NBEA: variants seen among roughly 807,000 people sequenced by gnomAD.
NBEA encodes lysosomal-trafficking regulator 2.
In NBEA, 44 loss-of-function variants were observed where a neutral mutation model predicts 343.4. The ratio of observed to expected loss-of-function variants is 0.13; its 90% confidence interval spans 0.10 to 0.16. The LOEUF (loss-of-function observed/expected upper bound fraction) is 0.16, where lower values mean the gene tolerates loss of function less well. Among genes scored for constraint, NBEA ranks in the 10% least tolerant of loss-of-function variants. The probability of loss-of-function intolerance (pLI) is 1.00; values close to 1 mark genes in which losing one functional copy is unlikely to be tolerated. For synonymous variants in NBEA, 1,175 were observed against 1,238.7 expected, an observed-to-expected ratio of 0.95 and a Z score of 1.08; for missense variants, 2,555 against 3,631.3, an observed-to-expected ratio of 0.70 and a Z score of 7.62.
At chr13:35,169,581 G>C (rs1439442901) in intron 25 of NBEA, among the ~76,000 whole-genome samples, 1 of 151,498 alleles carries the variant, frequency 6.6e-6, no homozygotes. Context: ...ATTAAATAAT[G>C]AATATAGAGA....
chr13:35,133,929 A>T (rs1348864933), intron 17 of NBEA, among the ~76,000 whole-genome samples: 1 of 148,088 alleles, frequency 6.8e-6, no homozygotes, highest in Non-Finnish European at 1.5e-5. Context: ...TATTATGTTT[A>T]AAAAAAAAAC....
At chr13:35,571,031 C>T (rs1427196583) in intron 45 of NBEA, among the ~76,000 whole-genome samples, 3 of 152,108 alleles carry the variant, frequency 2.0e-5, no homozygotes, top group African/African-American at 7.2e-5. Context: ...TGACCAAGAA[C>T]ATTCTAAAAG....
intron 38 of NBEA, among the ~76,000 whole-genome samples, chr13:35,355,805 T>C (rs1275865385): frequency 6.6e-6 from 1 of 152,014 alleles, no homozygotes; most frequent in African/African-American, 2.4e-5. Context: ...CAGGCCTTAA[T>C]TCCAAATGAT....
At chr13:35,288,248 A>G (rs1042842476) in intron 34 of NBEA, among the ~76,000 whole-genome samples, 1 of 151,858 alleles carries the variant, frequency 6.6e-6, no homozygotes, top group Non-Finnish European at 1.5e-5. Context: ...CATTGAGTTT[A>G]CCTCTTTTTT....
chr13:35,420,545 T>G (rs548188966), intron 38 of NBEA, among the ~76,000 whole-genome samples: 1 of 152,128 alleles, frequency 6.6e-6, no homozygotes, highest in African/African-American at 2.4e-5. Context: ...TGAGAAATAT[T>G]TCTTCCTATT....
intron 38 of NBEA, among the ~76,000 whole-genome samples, chr13:35,414,693 G>A (rs1302996218): frequency 2.6e-5 from 4 of 152,224 alleles, no homozygotes; most frequent in East Asian, 1.9e-4. Flanking sequence ...ATAAACATAC[G>A]TGTGCATGTG....
chr13:35,121,250 A>G (rs994317334), intron 16 of NBEA, among the ~76,000 whole-genome samples: 1 of 152,048 alleles, frequency 6.6e-6, no homozygotes, highest in Admixed American at 6.6e-5. Context: ...CACTACAGGC[A>G]TGTGCCACCA....
intron 33 of NBEA, among the ~76,000 whole-genome samples, chr13:35,218,656 A>G (rs1426136749): frequency 6.6e-6 from 1 of 151,914 alleles, no homozygotes; most frequent in Non-Finnish European, 1.5e-5. Flanking sequence ...ATAATTTTCA[A>G]TAAATGTTAT....
intron 40 of NBEA, among the ~76,000 whole-genome samples, chr13:35,462,864 G>A (rs2046983880): frequency 6.6e-6 from 1 of 152,224 alleles, no homozygotes; most frequent in South Asian, 2.1e-4. Flanking sequence ...GGGGAATCAG[G>A]CCTGAGAGGA....
At chr13:35,011,118 T>G (rs1251914056) in intron 1 of NBEA, among the ~76,000 whole-genome samples, 1 of 151,954 alleles carries the variant, frequency 6.6e-6, no homozygotes, top group Non-Finnish European at 1.5e-5. Flanking sequence ...GTGGGCTCTG[T>G]ATAGTCCTGA....
chr13:35,572,858 T>A (rs562108912), intron 45 of NBEA, among the ~76,000 whole-genome samples: 1 of 152,284 alleles, frequency 6.6e-6, no homozygotes, highest in South Asian at 2.1e-4. Flanking sequence ...TCTTTCTTTT[T>A]CACTGTAAGT....
intron 47 of NBEA, among the ~76,000 whole-genome samples, chr13:35,602,840 C>A (rs2082114873): frequency 1.3e-5 from 2 of 152,134 alleles, no homozygotes; most frequent in Admixed American, 1.3e-4. Flanking sequence ...TTCTAAAGAA[C>A]CATCAAGACA....
chr13:35,177,132 A>G (rs1202159691), intron 28 of NBEA, 29 bp downstream of exon 28: 1 of 1,480,288 alleles, frequency 6.8e-7, no homozygotes, highest in Admixed American at 1.9e-5. Flanking sequence ...GTTTCCCTGA[A>G]ATAAACCTTC....
chr13:35,455,301 A>G (rs1478155834), intron 40 of NBEA, among the ~76,000 whole-genome samples: 2 of 152,052 alleles, frequency 1.3e-5, no homozygotes, highest in Admixed American at 6.5e-5. Context: ...AGAAGAAAGT[A>G]TGCTAATTAG....
At chr13:35,051,987 G>T (rs1182607877) in intron 6 of NBEA, among the ~76,000 whole-genome samples, 1 of 151,830 alleles carries the variant, frequency 6.6e-6, no homozygotes, top group African/African-American at 2.4e-5. Flanking sequence ...TTTCTATTTT[G>T]TGTCTTCTTC....
intron 47 of NBEA, among the ~76,000 whole-genome samples, chr13:35,597,614 C>G (rs1055233300): frequency 1.3e-5 from 2 of 151,994 alleles, no homozygotes; most frequent in Admixed American, 1.3e-4. Context: ...AGTCATTAAC[C>G]CTATTTTGTA....
chr13:35,421,015 C>A (rs1275759001), intron 38 of NBEA, among the ~76,000 whole-genome samples: 2 of 151,602 alleles, frequency 1.3e-5, no homozygotes, highest in Non-Finnish European at 2.9e-5. Context: ...TTGATTTCTG[C>A]TTTTTTATTG....
chr13:35,369,868 G>C (rs1309470762), intron 38 of NBEA, among the ~76,000 whole-genome samples: 1 of 151,928 alleles, frequency 6.6e-6, no homozygotes, highest in Non-Finnish European at 1.5e-5. Flanking sequence ...CTCTGTTCAG[G>C]ACTTCCAGTA....
intron 4 of NBEA, among the ~76,000 whole-genome samples, chr13:35,046,680 T>A (rs1156253586): frequency 6.6e-6 from 1 of 152,122 alleles, no homozygotes; most frequent in African/African-American, 2.4e-5. Context: ...TAGCAATATA[T>A]TATAGTAAAA....
Sources: allele counts gnomAD v4.1 joint callset (sites outside exome capture counted in the v4.1 genomes callset), GRCh38; gene constraint gnomAD v4.1.1; transcripts MANE v1.5; gene names NCBI Gene and HGNC (gene_info 2026-07-23, HGNC 2026-07-21).